The following SMG6 variants were observed in gnomAD, a reference collection of about 807,000 sequenced individuals.
SMG6 encodes the protein SMG6 nonsense mediated mRNA decay factor.
In SMG6, 66 loss-of-function variants were observed where a neutral mutation model predicts 142.2. The observed-to-expected ratio is 0.46, with a 90% CI of 0.38 to 0.57. SMG6 has a LOEUF of 0.57. Ranked by LOEUF, SMG6 falls within the 20% of genes least tolerant of loss-of-function variation. The pLI is 0.00. For synonymous variants in SMG6, 779 were observed against 702.4 expected, an observed-to-expected ratio of 1.11 and a Z score of -1.72; for missense variants, 1,793 against 1,832.0, an observed-to-expected ratio of 0.98 and a Z score of 0.39.
intron 8 of SMG6, among the ~76,000 whole-genome samples, chr17:2,256,607 A>AAAAAT (rs776902874): frequency 6.6e-6 from 1 of 152,144 alleles, no homozygotes; most frequent in African/African-American, 2.4e-5. Flanking sequence ...TACAAAAAAT[A>AAAAAT]AAAATAAAAT....
chr17:2,279,614 C>T (rs1455864646), intron 8 of SMG6, among the ~76,000 whole-genome samples: 2 of 152,050 alleles, frequency 1.3e-5, no homozygotes, highest in African/African-American at 4.8e-5. Context: ...ACTACGATGG[C>T]AGCAATGAGA....
intron 13 of SMG6, among the ~76,000 whole-genome samples, chr17:2,151,517 C>T (rs974896022): frequency 2.6e-5 from 4 of 152,214 alleles, no homozygotes; most frequent in Non-Finnish European, 5.9e-5. Context: ...CTCCACTGTC[C>T]TGGAGAAATG....
intron 17 of SMG6, 44 bp downstream of exon 17, chr17:2,065,424 T>C: frequency 1.3e-6 from 2 of 1,577,880 alleles, no homozygotes; most frequent in African/African-American, 1.3e-5. Flanking sequence ...GACCTTGTTC[T>C]GGAAGCTGGC....
chr17:2,177,273 C>T (rs142775143), intron 12 of SMG6, among the ~76,000 whole-genome samples: 8 of 152,298 alleles, frequency 5.3e-5, no homozygotes, highest in African/African-American at 1.7e-4. Flanking sequence ...AGGTGAGACA[C>T]GTCACACCAC....
intron 15 of SMG6, among the ~76,000 whole-genome samples, chr17:2,080,925 G>A (rs564684543): frequency 2.4e-4 from 37 of 152,278 alleles, no homozygotes; most frequent in Admixed American, 7.2e-4. Context: ...GTGAGCCACC[G>A]CGCCCGGCCA....
chr17:2,067,662 T>A (rs1301516530), intron 16 of SMG6, among the ~76,000 whole-genome samples: 1 of 151,702 alleles, frequency 6.6e-6, no homozygotes. Flanking sequence ...CCAGGCCACA[T>A]GGGGAGGGGA....
intron 10 of SMG6, among the ~76,000 whole-genome samples, chr17:2,231,332 C>T (rs1427085505): frequency 6.6e-6 from 1 of 152,164 alleles, no homozygotes; most frequent in East Asian, 1.9e-4. Context: ...CTAGCTAGCT[C>T]TCTCTCCCTC....
chr17:2,250,024 A>C (rs2074012314), intron 8 of SMG6, among the ~76,000 whole-genome samples: 1 of 152,252 alleles, frequency 6.6e-6, no homozygotes, highest in Non-Finnish European at 1.5e-5. Flanking sequence ...CAGAACTAAA[A>C]GGATGAAATG....
chr17:2,250,846 T>C (rs2074030525), intron 8 of SMG6, among the ~76,000 whole-genome samples: 1 of 152,140 alleles, frequency 6.6e-6, no homozygotes, highest in Non-Finnish European at 1.5e-5. Flanking sequence ...TCAGTCTCTC[T>C]CAAGCAATGA....
At chr17:2,112,755 CTTTTTTT>C (rs1189843396) in intron 13 of SMG6, among the ~76,000 whole-genome samples, 1 of 130,226 alleles carries the variant, frequency 7.7e-6, no homozygotes, top group South Asian at 2.5e-4. Context: ...GAGCTCCAAA[CTTTTTTT>C]TTTTTTTTTT....
At chr17:2,253,516 G>A (rs1250523007) in intron 8 of SMG6, among the ~76,000 whole-genome samples, 6 of 152,116 alleles carry the variant, frequency 3.9e-5, no homozygotes, top group Middle Eastern at 3.4e-3. Flanking sequence ...TTCCTGCACC[G>A]CACTTCAGAG....
At chr17:2,088,385 T>G (rs773004919) in intron 13 of SMG6, 6 of 985,280 alleles carry the variant, frequency 6.1e-6, no homozygotes, top group Non-Finnish European at 6.0e-6. Flanking sequence ...TCTGTGGGAA[T>G]TGCCTATTCC....
intron 13 of SMG6, among the ~76,000 whole-genome samples, chr17:2,164,808 G>A (rs1293861787): frequency 6.6e-6 from 1 of 151,906 alleles, no homozygotes; most frequent in South Asian, 2.1e-4. Flanking sequence ...GTGGTGACGC[G>A]TGCCTGTAGT....
At chr17:2,280,304 C>T (rs2074756103) in intron 8 of SMG6, among the ~76,000 whole-genome samples, 1 of 152,054 alleles carries the variant, frequency 6.6e-6, no homozygotes, top group African/African-American at 2.4e-5. Context: ...GCTTCTTTGC[C>T]CAGGCTGGAG....
chr17:2,122,085 T>C (rs751431203), intron 13 of SMG6, among the ~76,000 whole-genome samples: 36 of 152,046 alleles, frequency 2.4e-4, no homozygotes, highest in Non-Finnish European at 4.6e-4. Context: ...CTGCCCGCCT[T>C]GGCCTCCCAA....
chr17:2,107,742 T>C (rs973898449), intron 13 of SMG6, among the ~76,000 whole-genome samples: 4 of 152,026 alleles, frequency 2.6e-5, no homozygotes, highest in East Asian at 1.9e-4. Flanking sequence ...GAACAGCCAA[T>C]GGATGGGGCC....
intron 13 of SMG6, chr17:2,086,986 CCTCT>C: frequency 7.8e-7 from 1 of 1,285,178 alleles, no homozygotes; most frequent in Non-Finnish European, 1.0e-6. Flanking sequence ...CTAGCCCCTG[CCTCT>C]CTTTTAATGC....
At chr17:2,274,470 A>C (rs568703639) in intron 8 of SMG6, among the ~76,000 whole-genome samples, 2 of 152,358 alleles carry the variant, frequency 1.3e-5, no homozygotes, top group East Asian at 3.9e-4. Context: ...AATGATATGT[A>C]ACAGAAGGAA....
intron 8 of SMG6, among the ~76,000 whole-genome samples, chr17:2,281,865 A>G (rs1010947470): frequency 1.3e-5 from 2 of 152,112 alleles, no homozygotes; most frequent in South Asian, 4.1e-4. Context: ...AGCCCTTTGC[A>G]TATGCTATTT....
Sources: gnomAD v4.1 joint callset for allele counts (sites outside exome capture counted in the v4.1 genomes callset) on GRCh38, gnomAD v4.1.1 for gene constraint, MANE v1.5 for transcripts, NCBI Gene and HGNC (gene_info 2026-07-23, HGNC 2026-07-21) for gene names.